The following MAP2K5 variants were observed in gnomAD, a reference collection of about 807,000 sequenced individuals.
MAP2K5 encodes the protein mitogen-activated protein kinase kinase 5.
MAP2K5 carries 49 observed loss-of-function variants against 83.1 expected under a neutral mutation model. That is an observed-to-expected ratio of 0.59 (90% confidence interval 0.47 to 0.75). The LOEUF (loss-of-function observed/expected upper bound fraction) is 0.75. MAP2K5 is among the 30% of genes least tolerant of loss of function. The pLI is 0.00. For missense variants in MAP2K5, 457 were observed against 557.5 expected, an observed-to-expected ratio of 0.82 and a Z score of 1.82; for synonymous variants, 202 against 191.8, an observed-to-expected ratio of 1.05 and a Z score of -0.44.
At chr15:67,650,693 A>G (rs994743421) in intron 11 of MAP2K5, among the ~76,000 whole-genome samples, 5 of 151,866 alleles carry the variant, frequency 3.3e-5, no homozygotes, top group Admixed American at 2.0e-4. Flanking sequence ...CTTAGTCATG[A>G]TGTGTAATTC....
chr15:67,601,421 A>G (rs1404543187), intron 8 of MAP2K5, among the ~76,000 whole-genome samples: 1 of 152,208 alleles, frequency 6.6e-6, no homozygotes, highest in Non-Finnish European at 1.5e-5. Flanking sequence ...CTGGTACTTA[A>G]TAGTCTGCAA....
At chr15:67,773,611 G>T (rs2090182173) in intron 21 of MAP2K5, among the ~76,000 whole-genome samples, 1 of 152,098 alleles carries the variant, frequency 6.6e-6, no homozygotes, top group South Asian at 2.1e-4. Context: ...TTATAATATG[G>T]ATTTCATCCT....
chr15:67,602,655 G>A (rs545813207), intron 8 of MAP2K5, among the ~76,000 whole-genome samples: 1 of 152,284 alleles, frequency 6.6e-6, no homozygotes, highest in African/African-American at 2.4e-5. Flanking sequence ...AGGCTTGTTT[G>A]TTTGTTGGTT....
At position 67,702,096 on chromosome 15, in the gene MAP2K5, T is replaced by G. The variant is rs1247481678; in HGVS notation, c.973-1241T>G. Among the ~76,000 whole-genome samples the G allele has an allele frequency of 6.6e-6, 1 of 152,248 alleles. No homozygotes were observed. The highest frequency in any genetic ancestry group is 2.4e-5 in the African/African-American group (1 of 41,466). ...AAGTACCTAGCCCAGTGTCTGACAC[T>G]AGTAAGTGGTCATTAAATGATAGCT... is the stretch of plus-strand genomic sequence containing the variant. On this transcript the variant is annotated intron_variant, in intron 15 of 21. Coordinates refer to ENST00000178640, the MANE Select transcript of MAP2K5 (RefSeq NM_145160.3). The surrounding 1 kb of genome is among the most constrained non-coding windows in gnomAD (Gnocchi z 4.6).
rs532363614 is a variant in MAP2K5, at chr15:67,619,807, T to C, written c.546-11081T>C. Among the ~76,000 whole-genome samples, 4 of 152,326 alleles carry C rather than the reference T, an allele frequency of 2.6e-5. No homozygotes were observed. The East Asian group carries it at 7.7e-4, about 29-fold the overall frequency. ...TTAGCCAGCCATGGCGGTACTCTCC[T>C]GTAGTCTCAACTACTCAGGAGGCTG... On this transcript the variant is annotated intron_variant, in intron 8 of 21. Transcript: ENST00000178640.
intron 20 of MAP2K5, among the ~76,000 whole-genome samples, chr15:67,771,652 G>A (rs1342217639): frequency 1.3e-5 from 2 of 152,158 alleles, no homozygotes; most frequent in African/African-American, 4.8e-5. Flanking sequence ...AATGGATGCA[G>A]TGTTTGAGAG....
chr15:67,629,038 A>G (rs2086396574), intron 8 of MAP2K5: 13 of 750,092 alleles, frequency 1.7e-5, no homozygotes, highest in South Asian at 5.4e-5. Flanking sequence ...TCTGGCCCCT[A>G]TGGTGGTGGA....
At chr15:67,686,782 T>G (rs2087968947) in intron 13 of MAP2K5, among the ~76,000 whole-genome samples, 1 of 152,156 alleles carries the variant, frequency 6.6e-6, no homozygotes, top group South Asian at 2.1e-4. Context: ...GCAAACTTTT[T>G]GGATGAGTTT....
intron 2 of MAP2K5, among the ~76,000 whole-genome samples, chr15:67,551,264 C>T (rs1265631074): frequency 6.6e-6 from 1 of 152,148 alleles, no homozygotes; most frequent in African/African-American, 2.4e-5. Flanking sequence ...TGTCAGGAAG[C>T]AGTTCAACAG....
In MAP2K5 at chr15:67,748,847, C is replaced by T. The variant is rs1347974291; in HGVS notation, c.1134+246C>T. On this transcript the variant is annotated intron_variant, in intron 19 of 21. Coordinates refer to ENST00000178640, the MANE Select transcript of MAP2K5 (RefSeq NM_145160.3). The surrounding 1 kb of genome is among the most constrained non-coding windows in gnomAD (Gnocchi z 4.0). ...TCAGGGGCATCAGATGCCCTAAAGA[C>T]AAAACACAATAATATTAATTGACCC... Among the ~76,000 whole-genome samples, 1 of 152,052 alleles carries T rather than the reference C, an allele frequency of 6.6e-6. No homozygotes were observed. Among genetic ancestry groups the T allele is most frequent in the East Asian group, 1.9e-4 (1 of 5,198 alleles).
intron 11 of MAP2K5, among the ~76,000 whole-genome samples, chr15:67,653,595 TAAA>T (rs34640005): frequency 2.8e-4 from 43 of 151,986 alleles, no homozygotes; most frequent in Non-Finnish European, 5.0e-4. Flanking sequence ...CACACCCAGC[TAAA>T]AAAAATTTTT....
At chr15:67,545,461 G>A (rs1325753341) in intron 1 of MAP2K5, among the ~76,000 whole-genome samples, 2 of 152,304 alleles carry the variant, frequency 1.3e-5, no homozygotes, top group South Asian at 4.2e-4. Flanking sequence ...AGGCAAGTCA[G>A]TCTACCTCTC....
Position 67,600,684 on chromosome 15 carries a change from G to A in MAP2K5, c.481-1G>A. ...TTTGTTTTTCTTTCTTTCTTGTGGA[G>A]ATGAATGAACAAGACATACGATATC... On this transcript the variant is annotated splice_acceptor_variant, in intron 7 of 21. Transcript: ENST00000178640. LOFTEE classifies it high-confidence loss of function. The A allele has an allele frequency of 6.2e-7, 1 of 1,608,830 alleles. No homozygotes were observed. Among genetic ancestry groups the A allele is most frequent in the East Asian group, 2.2e-5 (1 of 44,780 alleles).
chr15:67,684,825 A>C (rs910658769), intron 13 of MAP2K5, among the ~76,000 whole-genome samples: 9 of 152,218 alleles, frequency 5.9e-5, no homozygotes, highest in Non-Finnish European at 1.5e-5. Context: ...TCATTGATGG[A>C]ATTAACTGAA....
rs1221195182 is a variant in MAP2K5, at chr15:67,638,166, A to G, written c.585+7239A>G. On this transcript the variant is annotated intron_variant, in intron 9 of 21. Coordinates refer to ENST00000178640, the MANE Select transcript of MAP2K5 (RefSeq NM_145160.3). This position sits in a 1 kb window ranked among gnomAD's most constrained non-coding sequence, Gnocchi z 4.5. Reference sequence around the variant, plus strand: ...GGTTTGTTGTACAGATTATTTTGTCACCCAGGTATTAAGCCTAGTACCTAT... The same window carrying G: ...GGTTTGTTGTACAGATTATTTTGTCGCCCAGGTATTAAGCCTAGTACCTAT... Among the ~76,000 whole-genome samples, 1 of 151,840 alleles carries G rather than the reference A, an allele frequency of 6.6e-6. No homozygotes were observed. Among genetic ancestry groups the G allele is most frequent in the Non-Finnish European group, 1.5e-5 (1 of 67,970 alleles).
At position 67,738,298 on chromosome 15, in the gene MAP2K5, C is replaced by T. The variant is rs1193064822; in HGVS notation, c.1075-9933C>T. Among the ~76,000 whole-genome samples, 1 of 152,202 alleles carries T rather than the reference C, an allele frequency of 6.6e-6. No individual in the cohort carries two copies. Among genetic ancestry groups the T allele is most frequent in the Non-Finnish European group, 1.5e-5 (1 of 68,028 alleles). ...TTCTGGGCATAAGGCATGAGGCGACCTGGACTCCAGGCCTAGTTGGTAAAA... is the reference window on the plus strand; with the variant it reads ...TTCTGGGCATAAGGCATGAGGCGACTTGGACTCCAGGCCTAGTTGGTAAAA... On this transcript the variant is annotated intron_variant, in intron 17 of 21. Transcript: ENST00000178640. The surrounding 1 kb of genome is among the most constrained non-coding windows in gnomAD (Gnocchi z 4.1).
rs912498750 is a variant in MAP2K5, at chr15:67,644,145, G to A, written c.586-2086G>A. 6.6e-6 allele frequency among the ~76,000 whole-genome samples: 1 copy of A among 152,184 alleles called. No homozygotes were observed. The highest frequency in any genetic ancestry group is 2.4e-5 in the African/African-American group (1 of 41,460). ...ACGGTGGCTCACGCCTGTAATCCCA[G>A]CACTTTGGGAGGCTGAGGCAGGTGG... On this transcript the variant is annotated intron_variant, in intron 9 of 21. Coordinates refer to ENST00000178640, the MANE Select transcript of MAP2K5 (RefSeq NM_145160.3). The surrounding 1 kb of genome is among the most constrained non-coding windows in gnomAD (Gnocchi z 4.6).
intron 8 of MAP2K5, among the ~76,000 whole-genome samples, chr15:67,622,012 C>A (rs1396347398): frequency 2.6e-5 from 4 of 151,780 alleles, no homozygotes; most frequent in African/African-American, 9.7e-5. Flanking sequence ...GGTGAAACAC[C>A]GCCTCTACTA....
At chr15:67,594,145 A>C (rs1423353401) in intron 7 of MAP2K5, among the ~76,000 whole-genome samples, 1 of 152,104 alleles carries the variant, frequency 6.6e-6, no homozygotes, top group African/African-American at 2.4e-5. Context: ...TCCTATATAC[A>C]GCTAAGGAGA....
Sources: gnomAD v4.1 joint callset for allele counts (sites outside exome capture counted in the v4.1 genomes callset) on GRCh38, gnomAD v4.1.1 for gene constraint, Gnocchi (gnomAD v3.1) non-coding constraint, MANE v1.5 for transcripts, NCBI Gene and HGNC (gene_info 2026-07-23, HGNC 2026-07-21) for gene names.